The following TMC1 variants were observed in gnomAD, a reference collection of about 807,000 sequenced individuals.
TMC1 encodes the protein transmembrane channel like 1.
A neutral mutation model predicts 105.8 loss-of-function variants in TMC1; 84 were observed. The ratio of observed to expected loss-of-function variants is 0.79; its 90% CI spans 0.67 to 0.95. The LOEUF is 0.95. TMC1 is among the 40% of genes least tolerant of loss of function. The probability of loss-of-function intolerance (pLI) is 0.00; values close to 1 mark genes in which losing one functional copy is unlikely to be tolerated. For missense variants in TMC1, 817 were observed against 914.1 expected (o/e 0.89, Z 1.37); for synonymous variants, 315 against 311.5 (o/e 1.01, Z -0.12).
chr9:72,828,387 G>C (rs1429463415), intron 21 of TMC1, among the ~76,000 whole-genome samples: 1 of 151,902 alleles, frequency 6.6e-6, no homozygotes. Context: ...GAGAGTCAAG[G>C]CCCTTTAGTG....
intron 13 of TMC1, among the ~76,000 whole-genome samples, chr9:72,785,336 T>C (rs1175849713): frequency 6.6e-6 from 1 of 152,230 alleles, no homozygotes; most frequent in African/African-American, 2.4e-5. Flanking sequence ...CCATCACTTT[T>C]ACAGTTTGAG....
chr9:72,540,458 T>C (rs1369505793), intron 1 of TMC1, among the ~76,000 whole-genome samples: 1 of 152,036 alleles, frequency 6.6e-6, no homozygotes, highest in Non-Finnish European at 1.5e-5. Flanking sequence ...TGCCAGGAAT[T>C]TACCTCAGGG....
At chr9:72,662,538 C>T (rs971847309) in intron 5 of TMC1, among the ~76,000 whole-genome samples, 6 of 151,978 alleles carry the variant, frequency 3.9e-5, no homozygotes, top group African/African-American at 1.4e-4. Flanking sequence ...GCTGCTTATT[C>T]TGCCCTGGGA....
intron 4 of TMC1, among the ~76,000 whole-genome samples, chr9:72,639,033 A>G (rs559879261): frequency 6.6e-6 from 1 of 152,312 alleles, no homozygotes; most frequent in East Asian, 1.9e-4. Context: ...TTTTACTTTC[A>G]TCTTTATACT....
intron 8 of TMC1, among the ~76,000 whole-genome samples, chr9:72,706,135 C>A (rs1216523572): frequency 1.3e-5 from 2 of 151,996 alleles, no homozygotes; most frequent in African/African-American, 2.4e-5. Flanking sequence ...GAAAACAGAC[C>A]ATGGTTGATT....
intron 8 of TMC1, among the ~76,000 whole-genome samples, chr9:72,701,224 A>G (rs1826640269): frequency 6.6e-6 from 1 of 152,216 alleles, no homozygotes; most frequent in Non-Finnish European, 1.5e-5. Flanking sequence ...TAGGATTCCA[A>G]TTAAAGGTTA....
At chr9:72,768,105 A>C (rs1410911277) in intron 12 of TMC1, among the ~76,000 whole-genome samples, 1 of 152,232 alleles carries the variant, frequency 6.6e-6, no homozygotes, top group Non-Finnish European at 1.5e-5. Flanking sequence ...TGGATAAAGA[A>C]AATGTGGCAC....
intron 13 of TMC1, among the ~76,000 whole-genome samples, chr9:72,783,128 C>T (rs143337791): frequency 6.6e-6 from 1 of 152,122 alleles, no homozygotes; most frequent in South Asian, 2.1e-4. Context: ...AGTCAGGGCT[C>T]TCTAGAGAGA....
At chr9:72,827,588 A>G (rs1011322302) in intron 21 of TMC1, among the ~76,000 whole-genome samples, 4 of 152,194 alleles carry the variant, frequency 2.6e-5, no homozygotes, top group African/African-American at 9.6e-5. Flanking sequence ...GTGATTTCCA[A>G]AGGGGAACTT....
chr9:72,811,541 A>G (rs1045482774), intron 18 of TMC1, among the ~76,000 whole-genome samples: 26 of 152,166 alleles, frequency 1.7e-4, no homozygotes, highest in African/African-American at 4.6e-4. Flanking sequence ...GAATATCTTT[A>G]TCTTCACTTC....
intron 4 of TMC1, among the ~76,000 whole-genome samples, chr9:72,644,957 T>C (rs1167859233): frequency 6.6e-6 from 1 of 152,122 alleles, no homozygotes; most frequent in African/African-American, 2.4e-5. Flanking sequence ...AGAACAAATA[T>C]CAAATTTATC....
intron 20 of TMC1, among the ~76,000 whole-genome samples, chr9:72,823,694 A>G (rs1046166311): frequency 6.6e-6 from 1 of 152,242 alleles, no homozygotes; most frequent in African/African-American, 2.4e-5. Context: ...TAATTGTTCT[A>G]TAGCATTTCC....
At chr9:72,528,230 G>C (rs960231183) in intron 1 of TMC1, among the ~76,000 whole-genome samples, 6 of 152,124 alleles carry the variant, frequency 3.9e-5, no homozygotes, top group African/African-American at 1.4e-4. Flanking sequence ...TATGAGGAAG[G>C]GTCCCTCACC....
intron 5 of TMC1, among the ~76,000 whole-genome samples, chr9:72,662,823 A>G (rs942435886): frequency 2.0e-5 from 3 of 152,218 alleles, no homozygotes; most frequent in African/African-American, 7.2e-5. Context: ...TTATACTAGA[A>G]AATCTTGGAA....
chr9:72,573,385 C>T (rs529518359), intron 1 of TMC1, among the ~76,000 whole-genome samples: 3 of 152,208 alleles, frequency 2.0e-5, no homozygotes, highest in South Asian at 2.1e-4. Context: ...GGATAAGAGG[C>T]GGTAGGATAA....
chr9:72,541,190 A>T (rs1359723454), intron 1 of TMC1, among the ~76,000 whole-genome samples: 1 of 152,190 alleles, frequency 6.6e-6, no homozygotes, highest in Non-Finnish European at 1.5e-5. Flanking sequence ...TTACAGTGCT[A>T]GCCACCTATT....
intron 5 of TMC1, among the ~76,000 whole-genome samples, chr9:72,683,731 T>TA (rs1826327530): frequency 2.0e-5 from 1 of 49,616 alleles, no homozygotes; most frequent in Non-Finnish European, 4.8e-5. Flanking sequence ...GAGTTACACA[T>TA]TTTATATATA....
chr9:72,774,596 T>A (rs1827979507), intron 13 of TMC1, among the ~76,000 whole-genome samples: 1 of 152,060 alleles, frequency 6.6e-6, no homozygotes, highest in Non-Finnish European at 1.5e-5. Context: ...AAATCCACAT[T>A]TTCCCCCTCA....
At chr9:72,712,666 G>A (rs1431233963) in intron 8 of TMC1, among the ~76,000 whole-genome samples, 3 of 152,028 alleles carry the variant, frequency 2.0e-5, no homozygotes, top group African/African-American at 7.3e-5. Context: ...GGAGATTTTG[G>A]GCTGAGACAA....
Sources: allele counts gnomAD v4.1 joint callset (sites outside exome capture counted in the v4.1 genomes callset), GRCh38; gene constraint gnomAD v4.1.1; transcripts MANE v1.5; gene names NCBI Gene and HGNC (gene_info 2026-07-23, HGNC 2026-07-21).